Variants in INPP4B observed in about 807,000 individuals in gnomAD.
INPP4B encodes inositol polyphosphate-4-phosphatase type II B.
A neutral mutation model predicts 122.5 loss-of-function variants in INPP4B; 55 were observed. The observed-to-expected ratio is 0.45, with a 90% confidence interval of 0.36 to 0.56. INPP4B has a LOEUF of 0.56. Ranked by LOEUF, INPP4B falls within the 20% of genes least tolerant of loss-of-function variation. The probability of loss-of-function intolerance (pLI) is 0.00; values close to 1 mark genes in which losing one functional copy is unlikely to be tolerated. For missense variants in INPP4B, 1,000 were observed against 1,097.7 expected (o/e 0.91, Z 1.26); for synonymous variants, 403 against 388.7 (o/e 1.04, Z -0.43).
intron 2 of INPP4B, among the ~76,000 whole-genome samples, chr4:142,572,347 C>A (rs1452288179): frequency 1.3e-5 from 2 of 152,078 alleles, no homozygotes; most frequent in African/African-American, 2.4e-5. Flanking sequence ...TGTGGGGTAT[C>A]TACATTCCTG....
At chr4:142,549,464 G>A (rs1727453031) in intron 2 of INPP4B, among the ~76,000 whole-genome samples, 1 of 152,110 alleles carries the variant, frequency 6.6e-6, no homozygotes. Context: ...TGGAGTTGAA[G>A]GTACAGAGCC....
chr4:142,382,048 C>T (rs1035041881), intron 7 of INPP4B, among the ~76,000 whole-genome samples: 9 of 151,940 alleles, frequency 5.9e-5, no homozygotes, highest in Non-Finnish European at 1.2e-4. Context: ...AAGAAAAAAA[C>T]GTATCTAATT....
chr4:142,828,540 A>G (rs1479390397), intron 1 of INPP4B, among the ~76,000 whole-genome samples: 1 of 151,432 alleles, frequency 6.6e-6, no homozygotes, highest in Non-Finnish European at 1.5e-5. Flanking sequence ...AGTCCATGAT[A>G]TCTTACAGAA....
intron 1 of INPP4B, among the ~76,000 whole-genome samples, chr4:142,810,953 C>T (rs1341962782): frequency 6.6e-6 from 1 of 152,128 alleles, no homozygotes; most frequent in Non-Finnish European, 1.5e-5. Context: ...TTATACATGT[C>T]CAGACAGAAG....
intron 1 of INPP4B, among the ~76,000 whole-genome samples, chr4:142,804,863 C>T (rs377081372): frequency 4.5e-4 from 68 of 152,166 alleles, no homozygotes; most frequent in East Asian, 1.5e-3. Flanking sequence ...GATGGGGTTT[C>T]GCCATGTTGC....
intron 2 of INPP4B, among the ~76,000 whole-genome samples, chr4:142,725,439 C>A (rs901305686): frequency 6.6e-6 from 1 of 151,958 alleles, no homozygotes. Context: ...ATCTGACTAA[C>A]GCCAAATAAA....
At chr4:142,686,184 G>C (rs1759323339) in intron 2 of INPP4B, among the ~76,000 whole-genome samples, 1 of 152,096 alleles carries the variant, frequency 6.6e-6, no homozygotes, top group Non-Finnish European at 1.5e-5. Flanking sequence ...CAAGATGCTA[G>C]AGCAATACAG....
intron 24 of INPP4B, among the ~76,000 whole-genome samples, chr4:142,085,006 C>T (rs1776065926): frequency 6.6e-6 from 1 of 152,134 alleles, no homozygotes; most frequent in South Asian, 2.1e-4. Context: ...CAAAGAGCAG[C>T]CACACTATTA....
At chr4:142,490,568 A>G (rs1368483948) in intron 2 of INPP4B, among the ~76,000 whole-genome samples, 3 of 152,160 alleles carry the variant, frequency 2.0e-5, no homozygotes, top group Non-Finnish European at 4.4e-5. Context: ...TGGTGAAAAC[A>G]TTTATAATTT....
chr4:142,158,309 A>G (rs1428297923), intron 17 of INPP4B, among the ~76,000 whole-genome samples: 1 of 152,074 alleles, frequency 6.6e-6, no homozygotes, highest in Non-Finnish European at 1.5e-5. Context: ...GCTGTATCCC[A>G]TGTACATCTC....
intron 9 of INPP4B, among the ~76,000 whole-genome samples, chr4:142,279,110 T>A (rs1472764951): frequency 6.6e-6 from 1 of 151,872 alleles, no homozygotes; most frequent in Non-Finnish European, 1.5e-5. Context: ...TGTAAGATCT[T>A]TATGCTGAAA....
At chr4:142,836,863 C>A (rs1469475513) in intron 1 of INPP4B, among the ~76,000 whole-genome samples, 2 of 151,974 alleles carry the variant, frequency 1.3e-5, no homozygotes, top group African/African-American at 4.8e-5. Flanking sequence ...ATGTAAAGGA[C>A]ATTTAAAAAT....
chr4:142,193,864 C>T (rs1345560319), intron 14 of INPP4B, among the ~76,000 whole-genome samples: 1 of 152,086 alleles, frequency 6.6e-6, no homozygotes, highest in Non-Finnish European at 1.5e-5. Flanking sequence ...ATCTTGAAAG[C>T]CATGAAGTTT....
chr4:142,419,996 AC>A (rs1238602416), intron 5 of INPP4B, among the ~76,000 whole-genome samples: 50 of 152,206 alleles, frequency 3.3e-4, no homozygotes, highest in African/African-American at 1.2e-3. Context: ...TGCTTCAGTG[AC>A]CAATGCTCTC....
chr4:142,181,111 C>T (rs969771607), intron 15 of INPP4B, among the ~76,000 whole-genome samples: 7 of 152,164 alleles, frequency 4.6e-5, no homozygotes, highest in African/African-American at 1.7e-4. Flanking sequence ...TCTGAGTCTT[C>T]TTCCCATAAG....
At chr4:142,678,290 GT>G (rs1758107502) in intron 2 of INPP4B, among the ~76,000 whole-genome samples, 1 of 152,016 alleles carries the variant, frequency 6.6e-6, no homozygotes, top group Non-Finnish European at 1.5e-5. Context: ...GTTCCTGCCA[GT>G]TAACAAAACA....
At chr4:142,770,653 T>A (rs1054807646) in intron 1 of INPP4B, among the ~76,000 whole-genome samples, 2 of 152,126 alleles carry the variant, frequency 1.3e-5, no homozygotes, top group African/African-American at 2.4e-5. Context: ...GGAATTTAAG[T>A]TTCCTATACC....
At chr4:142,109,313 A>G (rs1327007028) in intron 22 of INPP4B, among the ~76,000 whole-genome samples, 2 of 152,164 alleles carry the variant, frequency 1.3e-5, no homozygotes, top group Non-Finnish European at 2.9e-5. Flanking sequence ...AAATGAATTC[A>G]TCTATACAAA....
rs537353560 is a variant in INPP4B, at chr4:142,447,854, G to A, written c.-127+14809C>T. On this transcript the variant is annotated intron_variant, in intron 3 of 25. Coordinates refer to ENST00000262992, the MANE Select transcript of INPP4B (RefSeq NM_001101669.3). ...TGTGTGGCCTGCCTACATGAGAGGA[G>A]GCAGCAAGGAGGTAGCCCTTATGAG... Among the ~76,000 whole-genome samples the A allele has an allele frequency of 3.4e-3, 511 of 152,216 alleles. 2 individuals carry two copies. The highest frequency in any genetic ancestry group is 0.012 in the African/African-American group (496 of 41,540).
Sources: allele counts gnomAD v4.1 joint callset (sites outside exome capture counted in the v4.1 genomes callset), GRCh38; gene constraint gnomAD v4.1.1; transcripts MANE v1.5; gene names NCBI Gene and HGNC (gene_info 2026-07-23, HGNC 2026-07-21).